Variants in WWOX observed in about 807,000 individuals in gnomAD.
WWOX encodes WW domain containing oxidoreductase.
A neutral mutation model predicts 46.2 loss-of-function variants in WWOX; 69 were observed. The ratio of observed to expected loss-of-function variants is 1.49; its 90% CI spans 1.23 to 1.82. The LOEUF is 1.82. WWOX is among the 40% of genes most tolerant of loss of function. The pLI, the probability that WWOX is intolerant of heterozygous loss-of-function variation, is 0.00. For missense variants in WWOX, 919 were observed against 542.6 expected, an observed-to-expected ratio of 1.69 and a Z score of -6.89; for synonymous variants, 359 against 202.6, an observed-to-expected ratio of 1.77 and a Z score of -6.56.
intron 8 of WWOX, among the ~76,000 whole-genome samples, chr16:78,695,902 C>G (rs1013192526): frequency 6.6e-5 from 10 of 152,168 alleles, no homozygotes; most frequent in Non-Finnish European, 1.5e-4. Flanking sequence ...CAGGGGTTCT[C>G]AAAGTGGGGT....
intron 4 of WWOX, among the ~76,000 whole-genome samples, chr16:78,120,791 C>G (rs1194804476): frequency 6.6e-6 from 1 of 152,144 alleles, no homozygotes; most frequent in Non-Finnish European, 1.5e-5. Flanking sequence ...GCAAATTTTA[C>G]CAGTTCTACG....
chr16:78,791,276 C>G (rs1031687086), intron 8 of WWOX, among the ~76,000 whole-genome samples: 3 of 152,112 alleles, frequency 2.0e-5, no homozygotes, highest in Non-Finnish European at 4.4e-5. Context: ...ACCAGGCACT[C>G]GGGTTTCCTG....
intron 5 of WWOX, among the ~76,000 whole-genome samples, chr16:78,336,750 G>T (rs1005301091): frequency 6.6e-6 from 1 of 151,942 alleles, no homozygotes; most frequent in Non-Finnish European, 1.5e-5. Flanking sequence ...TATAAAAATG[G>T]TATTTCCTGA....
At chr16:78,744,422 C>CTTTTTTTTTTTTTTTTTTTTTTT (rs976073233) in intron 8 of WWOX, among the ~76,000 whole-genome samples, 1 of 82,256 alleles carries the variant, frequency 1.2e-5, no homozygotes, top group African/African-American at 6.1e-5. Context: ...GTCCACACTG[C>CTTTTTTTTTTTTTTTTTTTTTTT]TTTTTTTTTT....
chr16:78,159,139 TTGTGTGTGTTTGTGTG>T (rs1248481177), intron 4 of WWOX, among the ~76,000 whole-genome samples: 332 of 152,022 alleles, frequency 2.2e-3, no homozygotes, highest in Middle Eastern at 6.8e-3. Context: ...TAATATTCCA[TTGTGTGTGTTTGTGTG>T]TGTGTGTGTT....
intron 8 of WWOX, among the ~76,000 whole-genome samples, chr16:78,885,291 C>G (rs777091048): frequency 4.0e-5 from 6 of 149,662 alleles, no homozygotes; most frequent in Non-Finnish European, 8.9e-5. Context: ...ATTTTCTTTA[C>G]TAAATTATCC....
chr16:78,987,158 C>G (rs1320806091), intron 8 of WWOX, among the ~76,000 whole-genome samples: 4 of 152,192 alleles, frequency 2.6e-5, no homozygotes, highest in African/African-American at 7.2e-5. Context: ...TTTTCAGAAG[C>G]ACACGGGAGG....
At chr16:78,108,602 A>C in intron 2 of WWOX, 115 bp downstream of exon 2, 1 of 1,117,642 alleles carries the variant, frequency 8.9e-7, no homozygotes, top group Non-Finnish European at 1.3e-6. Flanking sequence ...CTGGTAGAGA[A>C]CCAGACTCCC....
chr16:78,584,337 G>C (rs890529398), intron 8 of WWOX, among the ~76,000 whole-genome samples: 3 of 152,204 alleles, frequency 2.0e-5, no homozygotes, highest in African/African-American at 7.2e-5. Context: ...GAAGGTGTTT[G>C]CATTTTGGAG....
chr16:78,246,864 C>A (rs2037830126), intron 5 of WWOX, among the ~76,000 whole-genome samples: 1 of 151,696 alleles, frequency 6.6e-6, no homozygotes, highest in African/African-American at 2.4e-5. Flanking sequence ...ATTATCTGTC[C>A]CTGACTCCCG....
At chr16:78,123,852 G>A (rs2033240925) in intron 4 of WWOX, 2 of 152,186 alleles carry the variant, frequency 1.3e-5, no homozygotes, top group South Asian at 4.1e-4. Flanking sequence ...GTTTATTAAT[G>A]ATACATTCTT....
At chr16:78,790,767 C>G (rs1225399491) in intron 8 of WWOX, among the ~76,000 whole-genome samples, 1 of 151,988 alleles carries the variant, frequency 6.6e-6, no homozygotes, top group Non-Finnish European at 1.5e-5. Flanking sequence ...TGCCTGTAAC[C>G]CTAGCACTTT....
At chr16:78,684,529 G>A (rs2047810564) in intron 8 of WWOX, among the ~76,000 whole-genome samples, 1 of 152,174 alleles carries the variant, frequency 6.6e-6, no homozygotes, top group African/African-American at 2.4e-5. Flanking sequence ...GGACCTGGAT[G>A]TGATGCAAGC....
intron 8 of WWOX, among the ~76,000 whole-genome samples, chr16:78,906,610 G>A (rs1248782881): frequency 3.3e-5 from 5 of 152,200 alleles, no homozygotes; most frequent in African/African-American, 1.2e-4. Context: ...GAAGTCAGGA[G>A]AGCAAAACCA....
chr16:79,032,566 A>T (rs2047784868), intron 8 of WWOX, among the ~76,000 whole-genome samples: 1 of 148,462 alleles, frequency 6.7e-6, no homozygotes, highest in South Asian at 2.1e-4. Flanking sequence ...TACTTTCCAT[A>T]CATACATATA....
intron 8 of WWOX, among the ~76,000 whole-genome samples, chr16:78,596,517 G>A (rs1452818219): frequency 6.6e-6 from 1 of 152,128 alleles, no homozygotes; most frequent in African/African-American, 2.4e-5. Context: ...ATTGAGGTTG[G>A]CGAGATCGTG....
At chr16:78,172,729 G>A (rs147604326) in intron 5 of WWOX, among the ~76,000 whole-genome samples, 16 of 152,184 alleles carry the variant, frequency 1.1e-4, no homozygotes, top group African/African-American at 3.6e-4. Context: ...TAGGTGGCTG[G>A]CTCTGAACCA....
At chr16:78,732,048 G>A (rs548769417) in intron 8 of WWOX, among the ~76,000 whole-genome samples, 1 of 151,902 alleles carries the variant, frequency 6.6e-6, no homozygotes, top group Non-Finnish European at 1.5e-5. Flanking sequence ...ACTTTTTGTA[G>A]AGAAAGGGTC....
At chr16:78,132,027 C>CTTTTTTT (rs1298818927) in intron 4 of WWOX, among the ~76,000 whole-genome samples, 11 of 128,502 alleles carry the variant, frequency 8.6e-5, no homozygotes, top group South Asian at 2.5e-4. Flanking sequence ...TTTTCTTTTT[C>CTTTTTTT]TTTTTTTTTT....
Sources: gnomAD v4.1 joint callset for allele counts (sites outside exome capture counted in the v4.1 genomes callset) on GRCh38, gnomAD v4.1.1 for gene constraint, MANE v1.5 for transcripts, NCBI Gene and HGNC (gene_info 2026-07-23, HGNC 2026-07-21) for gene names.